PIEZO2: variants seen among roughly 807,000 people sequenced by gnomAD.
The protein encoded by PIEZO2 is piezo-type mechanosensitive ion channel component 2.
A neutral mutation model predicts 337.3 loss-of-function variants in PIEZO2; 172 were observed. That is an observed-to-expected ratio of 0.51 (90% CI 0.45 to 0.58). The LOEUF is 0.58. Among genes scored for constraint, PIEZO2 ranks in the 20% least tolerant of loss-of-function variants. PIEZO2 has a pLI of 0.00. For missense variants in PIEZO2, 3,028 were observed against 3,391.3 expected, an observed-to-expected ratio of 0.89 and a Z score of 2.66; for synonymous variants, 1,251 against 1,228.5, an observed-to-expected ratio of 1.02 and a Z score of -0.38.
rs2143937753 is a variant in PIEZO2 at position 10,767,281 on chromosome 18, C to A, written c.2946+2867G>T. On this transcript the variant is annotated intron_variant, in intron 21 of 55. Coordinates refer to ENST00000674853, the MANE Select transcript of PIEZO2 (RefSeq NM_001378183.1). This position sits in a 1 kb window ranked among gnomAD's most constrained non-coding sequence, Gnocchi z 4.2. ...AAATAAAGGTTTCTCTGTTTCTTTTCCAGCAACTTCTTCTTTTTCAGATGC... is the reference window on the plus strand; with the variant it reads ...AAATAAAGGTTTCTCTGTTTCTTTTACAGCAACTTCTTCTTTTTCAGATGC... 6.6e-6 allele frequency among the ~76,000 whole-genome samples: 1 copy of A among 152,290 alleles called. No individual in the cohort carries two copies. The highest frequency in any genetic ancestry group is 2.1e-4 in the South Asian group (1 of 4,826).
intron 28 of PIEZO2, among the ~76,000 whole-genome samples, chr18:10,752,269 T>G (rs1418651668): frequency 6.6e-6 from 1 of 152,254 alleles, no homozygotes; most frequent in Admixed American, 6.5e-5. Context: ...ATACAGCTTT[T>G]GAAAAGATTC....
intron 2 of PIEZO2, among the ~76,000 whole-genome samples, chr18:10,991,479 T>C (rs2035100096): frequency 6.7e-6 from 1 of 148,866 alleles, no homozygotes; most frequent in Non-Finnish European, 1.5e-5. Flanking sequence ...GAAGATGCAG[T>C]GCTTGGTTTT....
At chr18:10,912,918 A>G (rs1159292080) in intron 3 of PIEZO2, among the ~76,000 whole-genome samples, 1 of 152,148 alleles carries the variant, frequency 6.6e-6, no homozygotes, top group Non-Finnish European at 1.5e-5. Flanking sequence ...TTTCACATGA[A>G]GTCACTCTTC....
chr18:10,791,896 G>A (rs1451472846), intron 13 of PIEZO2, among the ~76,000 whole-genome samples: 1 of 152,124 alleles, frequency 6.6e-6, no homozygotes, highest in African/African-American at 2.4e-5. Context: ...TTTTGATTTA[G>A]GGGAACTCTA....
intron 7 of PIEZO2, among the ~76,000 whole-genome samples, chr18:10,810,660 A>G (rs1297121447): frequency 1.3e-5 from 2 of 152,288 alleles, no homozygotes; most frequent in East Asian, 1.9e-4. Flanking sequence ...TAAAATCTCA[A>G]TCCCTTTGGT....
At chr18:10,699,278 T>C in intron 43 of PIEZO2, 101 bp from the exon 44 acceptor site, 1 of 1,451,078 alleles carries the variant, frequency 6.9e-7, no homozygotes, top group East Asian at 2.5e-5. Context: ...CCTTCAAGAT[T>C]AGAAAAGCAA....
rs1207745774 is a variant in PIEZO2 at position 10,738,476 on chromosome 18, GA to G, written c.4709-1767del. 2.5e-4 allele frequency: 38 copies of G among 152,120 alleles called. No individual in the cohort carries two copies. In the Middle Eastern group the frequency reaches 0.01, roughly 41 times the overall value. 9.4% of individuals were successfully genotyped at this position (152,120 alleles called of 1,614,324 possible). A position where few individuals can be genotyped will look rare whatever the true frequency, so the allele number is the denominator to read the frequency against. ...GTGAGCTAGTGGAATTATCACATAA[GA>G]AAAAAGAAAATGTAAAAAAGTCTCT... On this transcript the variant is annotated intron_variant, in intron 33 of 55. Transcript: ENST00000674853.
chr18:10,702,140 A>T lies in PIEZO2; in HGVS notation c.6290T>A (p.Phe2097Tyr), dbSNP rs1408124992. The T allele has an allele frequency of 2.6e-6, 4 of 1,536,494 alleles. No individual in the cohort carries two copies. Among genetic ancestry groups the T allele is most frequent in the Admixed American group, 2.0e-5 (1 of 50,778 alleles). ...ATTCTTATTCCAGGGAAAGAACCCA[A>T]ATTGGAAGAAATACTTGACTACAAT... is the stretch of plus-strand genomic sequence containing the variant. The part of the protein sequence containing the change: ...VAIVVKYFFQ[F>Y]GFFPWNKNVE... The change falls in exon 43 of 56, where the codon TTT becomes TAT. Residue 2097 changes from phenylalanine (F) to tyrosine (Y), a missense_variant. Phe to Tyr is a conservative substitution (Grantham distance 22, BLOSUM62 3). Coordinates refer to ENST00000674853, the MANE Select transcript of PIEZO2 (RefSeq NM_001378183.1).
intron 1 of PIEZO2, among the ~76,000 whole-genome samples, chr18:11,135,224 C>T (rs1354370503): frequency 3.3e-5 from 5 of 152,146 alleles, no homozygotes; most frequent in Admixed American, 6.5e-5. Flanking sequence ...AAAGCGATAA[C>T]GAGATATGGA....
intron 4 of PIEZO2, among the ~76,000 whole-genome samples, chr18:10,908,996 T>G (rs746420334): frequency 3.3e-5 from 5 of 152,164 alleles, no homozygotes; most frequent in African/African-American, 1.2e-4. Flanking sequence ...CTGCTGCCTG[T>G]TTTTGTAAAT....
intron 3 of PIEZO2, among the ~76,000 whole-genome samples, chr18:10,934,120 T>G (rs906185300): frequency 4.6e-5 from 7 of 152,272 alleles, no homozygotes; most frequent in Admixed American, 1.3e-4. Flanking sequence ...ACAATTTCAG[T>G]CTATCAAAAT....
chr18:11,007,555 C>T (rs2035764362), intron 2 of PIEZO2, among the ~76,000 whole-genome samples: 1 of 151,918 alleles, frequency 6.6e-6, no homozygotes, highest in Non-Finnish European at 1.5e-5. Flanking sequence ...AAAAATCACT[C>T]GTAGATGCAG....
chr18:10,790,338 C>T (rs761089914), intron 14 of PIEZO2, among the ~76,000 whole-genome samples: 5 of 152,196 alleles, frequency 3.3e-5, no homozygotes, highest in Non-Finnish European at 7.4e-5. Flanking sequence ...ACCAGCCCAG[C>T]TTCTGTGGAC....
intron 2 of PIEZO2, among the ~76,000 whole-genome samples, chr18:11,023,474 T>A (rs2036393812): frequency 6.6e-6 from 1 of 152,188 alleles, no homozygotes; most frequent in Non-Finnish European, 1.5e-5. Context: ...CTGATTGGTG[T>A]GTTTACAAAC....
intron 4 of PIEZO2, among the ~76,000 whole-genome samples, chr18:10,873,496 C>G (rs114554744): frequency 0.014 from 2,122 of 152,206 alleles, 55 homozygotes; most frequent in African/African-American, 0.048. Flanking sequence ...CACATTTATA[C>G]TTAACAAAAC....
Position 11,080,534 on chromosome 18 carries a change from C to A in PIEZO2, c.65-14312G>T, listed in dbSNP as rs138495417. 2.0e-5 allele frequency among the ~76,000 whole-genome samples: 3 copies of A among 152,332 alleles called. No individual in the cohort carries two copies. The Middle Eastern group carries it at 0.01, about 522-fold the overall frequency. On this transcript the variant is annotated intron_variant, in intron 1 of 55. Coordinates refer to ENST00000674853, the MANE Select transcript of PIEZO2 (RefSeq NM_001378183.1). The surrounding 1 kb of genome is among the most constrained non-coding windows in gnomAD (Gnocchi z 5.4). Reference sequence around the variant, plus strand: ...AATGAATAAAGGAATAAAGGGGTTACCTTCCTTGGCCCTCAAAAACAGAGG... The same window carrying A: ...AATGAATAAAGGAATAAAGGGGTTAACTTCCTTGGCCCTCAAAAACAGAGG...
Position 11,111,354 on chromosome 18 carries a change from T to C in PIEZO2, c.64+37171A>G, listed in dbSNP as rs909234072. Among the ~76,000 whole-genome samples, 2 of 152,262 alleles carry C rather than the reference T, an allele frequency of 1.3e-5. No homozygotes were observed. The highest frequency in any genetic ancestry group is 2.4e-5 in the African/African-American group (1 of 41,474). On this transcript the variant is annotated intron_variant, in intron 1 of 55. Transcript: ENST00000674853. The surrounding 1 kb of genome is among the most constrained non-coding windows in gnomAD (Gnocchi z 6.2). ...TACATGGATTATCTACAGTGGCTTC[T>C]GTTTTCCTAACCAAGTCCTGAACCA...
intron 7 of PIEZO2, among the ~76,000 whole-genome samples, chr18:10,836,898 T>C (rs2041031717): frequency 6.6e-6 from 1 of 152,194 alleles, no homozygotes; most frequent in Non-Finnish European, 1.5e-5. Flanking sequence ...TTGTTTTATG[T>C]TCCATTATTA....
In PIEZO2 at chr18:11,116,766, T is replaced by C. The variant is rs968349127; in HGVS notation, c.64+31759A>G. The stretch of plus-strand genomic sequence containing the variant: ...ATTCCATTTATCTACTGAATGTTAC[T>C]CCATCTAACTGTATAGCACAGTAGG... On this transcript the variant is annotated intron_variant, in intron 1 of 55. Coordinates refer to ENST00000674853, the MANE Select transcript of PIEZO2 (RefSeq NM_001378183.1). This position sits in a 1 kb window ranked among gnomAD's most constrained non-coding sequence, Gnocchi z 5.0. 1.3e-5 allele frequency among the ~76,000 whole-genome samples: 2 copies of C among 151,604 alleles called. No homozygotes were observed. Among genetic ancestry groups the C allele is most frequent in the African/African-American group, 2.4e-5 (1 of 41,224 alleles).
Sources: gnomAD v4.1 joint callset for allele counts (sites outside exome capture counted in the v4.1 genomes callset) on GRCh38, gnomAD v4.1.1 for gene constraint, Gnocchi (gnomAD v3.1) non-coding constraint, MANE v1.5 for transcripts, NCBI Gene and HGNC (gene_info 2026-07-23, HGNC 2026-07-21) for gene names.